Variants in CNOT2 observed in about 807,000 individuals in gnomAD.
The protein encoded by CNOT2 is CCR4-NOT transcription complex subunit 2, also known as CC chemokine receptor 4-negative regulator of transcription 2.
CNOT2 carries 7 observed loss-of-function variants against 72.1 expected under a neutral mutation model. The ratio of observed to expected loss-of-function variants is 0.10; its 90% CI spans 0.06 to 0.18. CNOT2 has a LOEUF of 0.18. Ranked by LOEUF, CNOT2 falls within the 10% of genes least tolerant of loss-of-function variation. The pLI, the probability that CNOT2 is intolerant of heterozygous loss-of-function variation, is 1.00. For missense variants in CNOT2, 345 were observed against 660.3 expected, an observed-to-expected ratio of 0.52 and a Z score of 5.23; for synonymous variants, 196 against 225.6, an observed-to-expected ratio of 0.87 and a Z score of 1.17.
chr12:70,342,444 T>A, intron 13 of CNOT2, 137 bp downstream of exon 13: 1 of 1,011,480 alleles, frequency 9.9e-7, no homozygotes, highest in Non-Finnish European at 1.4e-6. Flanking sequence ...CCATGTTAAC[T>A]TGTTAAATGG....
chr12:70,280,875 C>T (rs17107924), intron 2 of CNOT2, among the ~76,000 whole-genome samples: 21,878 of 152,114 alleles, frequency 0.14, 1,909 homozygotes, highest in Admixed American at 0.28. Flanking sequence ...CAGAGATAGA[C>T]TGGCATATTA....
chr12:70,256,480 A>G (rs1275063885), intron 1 of CNOT2, among the ~76,000 whole-genome samples: 2 of 150,914 alleles, frequency 1.3e-5, no homozygotes, highest in Non-Finnish European at 2.9e-5. Context: ...ATTGATATGT[A>G]TTATTACAGC....
chr12:70,337,474 C>T lies in CNOT2; in HGVS notation c.861C>T (p.Ser287=), dbSNP rs750652017. The T allele has an allele frequency of 6.2e-6, 10 of 1,611,344 alleles. No individual in the cohort carries two copies. Among genetic ancestry groups the T allele is most frequent in the Non-Finnish European group, 7.6e-6 (9 of 1,178,046 alleles). ...ATTTTCCAGCATTACCAGGCTCCAG[C>T]TATAAAGATCCAACATCAAGTAATG... ...NEDFPALPGS[S]YKDPTSSNDD... is the part of the protein sequence containing the mutation. The change falls in exon 9 of 16, where the codon AGC becomes AGT. Residue 287 remains serine (S), a synonymous_variant. Coordinates refer to ENST00000229195, the MANE Select transcript of CNOT2 (RefSeq NM_014515.7).
At chr12:70,326,416 T>G (rs971466502) in intron 4 of CNOT2, among the ~76,000 whole-genome samples, 7 of 151,650 alleles carry the variant, frequency 4.6e-5, no homozygotes, top group Non-Finnish European at 1.5e-5. Context: ...TTTAGTTTTT[T>G]TATGCCAAGA....
Position 70,278,059 on chromosome 12 carries a change from T to C in CNOT2, c.-95-73T>C, listed in dbSNP as rs979923693. On this transcript the variant is annotated intron_variant, in intron 1 of 15. Transcript: ENST00000229195. ...TGTTTTTTGTTTTCTGTGTATCATA[T>C]TGAATATTTTTGCTGCTGTTGATAT... 4.8e-5 allele frequency: 25 copies of C among 518,534 alleles called. 1 individual carries two copies. The African/African-American group carries it at 4.8e-4, about 10-fold the overall frequency. The allele number at this position is 518,534 out of a possible 1,614,324, so 32.1% of individuals were successfully genotyped here.
chr12:70,319,080 T>TTAAA (rs1156815705), intron 3 of CNOT2: 1 of 370,926 alleles, frequency 2.7e-6, no homozygotes, highest in African/African-American at 2.1e-5. Flanking sequence ...ACTTATAGTA[T>TTAAA]TAAAAATTAA....
chr12:70,259,186 A>G (rs759324129), intron 1 of CNOT2, among the ~76,000 whole-genome samples: 2 of 152,126 alleles, frequency 1.3e-5, no homozygotes, highest in African/African-American at 2.4e-5. Flanking sequence ...TTTGACTTCA[A>G]AACCTCCTGA....
chr12:70,313,891 C>T (rs1876884614), intron 3 of CNOT2, among the ~76,000 whole-genome samples: 1 of 152,000 alleles, frequency 6.6e-6, no homozygotes, highest in African/African-American at 2.4e-5. Context: ...CTCATACATT[C>T]TTGGGCCTGT....
At chr12:70,312,867 T>A (rs1252377473) in intron 3 of CNOT2, among the ~76,000 whole-genome samples, 2 of 151,916 alleles carry the variant, frequency 1.3e-5, no homozygotes. Flanking sequence ...ATTATACAAA[T>A]TTTTAAAAAT....
intron 2 of CNOT2, chr12:70,307,729 A>G (rs1875680931): frequency 6.6e-6 from 1 of 152,100 alleles, no homozygotes; most frequent in Admixed American, 6.6e-5. Context: ...ACCCTTTCAT[A>G]TCATCCATCC....
intron 2 of CNOT2, among the ~76,000 whole-genome samples, chr12:70,297,475 A>G (rs1873011363): frequency 6.6e-6 from 1 of 152,202 alleles, no homozygotes; most frequent in South Asian, 2.1e-4. Flanking sequence ...TCTACAATAA[A>G]AAGTTGCTAC....
At chr12:70,346,809 A>G (rs1882227886) in intron 15 of CNOT2, among the ~76,000 whole-genome samples, 1 of 152,166 alleles carries the variant, frequency 6.6e-6, no homozygotes, top group African/African-American at 2.4e-5. Flanking sequence ...CTATTTTGCT[A>G]AATATTGGGG....
At chr12:70,294,560 CTT>C (rs1872521675) in intron 2 of CNOT2, among the ~76,000 whole-genome samples, 1 of 151,584 alleles carries the variant, frequency 6.6e-6, no homozygotes, top group Non-Finnish European at 1.5e-5. Flanking sequence ...TTTTTTTAAA[CTT>C]TATATTCTCC....
At chr12:70,311,097 A>G in intron 3 of CNOT2, 80 bp downstream of exon 3, 5 of 958,974 alleles carry the variant, frequency 5.2e-6, no homozygotes, top group Non-Finnish European at 8.1e-6. Context: ...TATCAAGTGC[A>G]GAATACTGTC....
At chr12:70,325,106 G>A (rs1384677143) in intron 4 of CNOT2, among the ~76,000 whole-genome samples, 3 of 151,848 alleles carry the variant, frequency 2.0e-5, no homozygotes, top group African/African-American at 7.2e-5. Context: ...TCTAGAACAA[G>A]AGAAGGGAAA....
chr12:70,312,184 G>A (rs1422954067), intron 3 of CNOT2, among the ~76,000 whole-genome samples: 3 of 151,582 alleles, frequency 2.0e-5, no homozygotes, highest in Non-Finnish European at 4.4e-5. Context: ...ATCTTATTGC[G>A]CTTTTAGCTA....
chr12:70,306,337 A>G (rs1320619768), intron 2 of CNOT2, among the ~76,000 whole-genome samples: 1 of 151,946 alleles, frequency 6.6e-6, no homozygotes. Flanking sequence ...TTGTATTTTT[A>G]GTAGAGACAG....
intron 2 of CNOT2, among the ~76,000 whole-genome samples, chr12:70,305,628 T>C (rs1054883418): frequency 3.3e-5 from 5 of 152,238 alleles, no homozygotes; most frequent in Non-Finnish European, 7.3e-5. Context: ...GAGATTACCA[T>C]GAACAGTAAC....
chr12:70,265,323 C>T (rs1958985569), intron 1 of CNOT2, among the ~76,000 whole-genome samples: 1 of 145,104 alleles, frequency 6.9e-6, no homozygotes. Context: ...CTCTTCTCTT[C>T]TCTTTCTTTC....
Sources: gnomAD v4.1 joint callset for allele counts (sites outside exome capture counted in the v4.1 genomes callset) on GRCh38, gnomAD v4.1.1 for gene constraint, MANE v1.5 for transcripts, NCBI Gene and HGNC (gene_info 2026-07-23, HGNC 2026-07-21) for gene names.